Variants in MCC observed in about 807,000 individuals in gnomAD.
MCC encodes the protein MCC regulator of Wnt signaling pathway, also known as colorectal mutant cancer protein.
In MCC, 90 loss-of-function variants were observed where a neutral mutation model predicts 116.2. The observed-to-expected ratio is 0.77, with a 90% confidence interval of 0.65 to 0.92. MCC has a LOEUF of 0.92. Ranked by LOEUF, MCC falls within the 40% of genes least tolerant of loss-of-function variation. The pLI, the probability that MCC is intolerant of heterozygous loss-of-function variation, is 0.00. For synonymous variants in MCC, 578 were observed against 510.5 expected, an observed-to-expected ratio of 1.13 and a Z score of -1.78; for missense variants, 1,516 against 1,312.2, an observed-to-expected ratio of 1.16 and a Z score of -2.40.
chr5:113,104,877 A>G lies in MCC; in HGVS notation c.1028-522T>C, dbSNP rs116351794. Among the ~76,000 whole-genome samples, 730 of 152,334 alleles carry G rather than the reference A, an allele frequency of 4.8e-3. 11 individuals are homozygous for G. Among genetic ancestry groups the G allele is most frequent in the African/African-American group, 0.017 (702 of 41,576 alleles). ...CCAATCAATATGCTCCACTGTTGCA[A>G]TTTAATCCATGTTCTTTCATCAGGG... On this transcript the variant is annotated intron_variant, in intron 6 of 18. Transcript: ENST00000408903.
intron 11 of MCC, among the ~76,000 whole-genome samples, chr5:113,077,473 A>G (rs1284445011): frequency 2.6e-5 from 4 of 152,248 alleles, no homozygotes; most frequent in African/African-American, 9.6e-5. Flanking sequence ...AACACAGTGC[A>G]ATCAAACTAG....
At chr5:113,095,380 C>T (rs904129288) in intron 8 of MCC, among the ~76,000 whole-genome samples, 3 of 152,146 alleles carry the variant, frequency 2.0e-5, no homozygotes, top group Admixed American at 6.5e-5. Flanking sequence ...CCTCTGTTTT[C>T]CCATCTCTAA....
intron 1 of MCC, chr5:113,433,295 C>T (rs1013299612): frequency 2.8e-5 from 7 of 248,934 alleles, no homozygotes; most frequent in Middle Eastern, 1.2e-3. Context: ...CAGCCTGGTC[C>T]CCTGACCCTC....
intron 3 of MCC, among the ~76,000 whole-genome samples, chr5:113,298,618 TC>T (rs970794630): frequency 2.0e-5 from 3 of 152,122 alleles, no homozygotes; most frequent in Admixed American, 2.0e-4. Context: ...GGAGCAAAGT[TC>T]CTAAAAAGGG....
chr5:113,282,398 G>C (rs1012795754), intron 3 of MCC, among the ~76,000 whole-genome samples: 1 of 152,182 alleles, frequency 6.6e-6, no homozygotes, highest in Non-Finnish European at 1.5e-5. Context: ...AATTACATGT[G>C]TGTCCAGACA....
At chr5:113,483,088 A>C (rs2150436771) in intron 1 of MCC, among the ~76,000 whole-genome samples, 1 of 152,312 alleles carries the variant, frequency 6.6e-6, no homozygotes, top group South Asian at 2.1e-4. Context: ...ATGAATATGT[A>C]GGTTTATCCC....
chr5:113,356,995 C>T (rs1768430125), intron 2 of MCC, among the ~76,000 whole-genome samples: 1 of 152,170 alleles, frequency 6.6e-6, no homozygotes, highest in African/African-American at 2.4e-5. Context: ...AGACATTGCT[C>T]ATTTGCATAG....
chr5:113,434,673 A>G lies in MCC; in HGVS notation c.171-49461T>C. The stretch of plus-strand genomic sequence containing the variant: ...CAGAATCTCAATTTCCCGGGGAAGG[A>G]ATTTCTCCAAGAAGTCTGCGGGGGC... On this transcript the variant is annotated intron_variant, in intron 1 of 18. Transcript: ENST00000408903. This position sits in a 1 kb window ranked among gnomAD's most constrained non-coding sequence, Gnocchi z 4.2. The G allele has an allele frequency of 6.2e-7, 1 of 1,613,922 alleles. No homozygotes were observed. The highest frequency in any genetic ancestry group is 8.5e-7 in the Non-Finnish European group (1 of 1,179,884).
At chr5:113,437,132 C>A (rs922724281) in intron 1 of MCC, 2 of 151,632 alleles carry the variant, frequency 1.3e-5, no homozygotes, top group Admixed American at 1.3e-4. Context: ...TGAAAAATAT[C>A]CAATGTTATG....
intron 3 of MCC, among the ~76,000 whole-genome samples, chr5:113,189,418 T>C (rs753854989): frequency 7.2e-5 from 11 of 152,210 alleles, no homozygotes; most frequent in Non-Finnish European, 1.5e-4. Context: ...AAAGCAGAGA[T>C]TGACCATGCT....
At chr5:113,076,072 AACTGTAAC>A (rs1478300319) in intron 11 of MCC, among the ~76,000 whole-genome samples, 1 of 152,158 alleles carries the variant, frequency 6.6e-6, no homozygotes, top group East Asian at 1.9e-4. Flanking sequence ...CATCTTTAAG[AACTGTAAC>A]ACTCACTGCG....
intron 3 of MCC, among the ~76,000 whole-genome samples, chr5:113,327,992 A>G (rs1411235748): frequency 6.6e-6 from 1 of 152,168 alleles, no homozygotes; most frequent in Non-Finnish European, 1.5e-5. Context: ...ACAAATGATT[A>G]TTCTTCTCAA....
At chr5:113,103,737 A>C (rs766957987) in intron 7 of MCC, among the ~76,000 whole-genome samples, 8 of 152,176 alleles carry the variant, frequency 5.3e-5, no homozygotes, top group African/African-American at 1.9e-4. Flanking sequence ...CTTTCCCATC[A>C]TTCACAATGA....
intron 3 of MCC, among the ~76,000 whole-genome samples, chr5:113,308,311 C>G (rs1421928780): frequency 6.6e-6 from 1 of 152,138 alleles, no homozygotes; most frequent in African/African-American, 2.4e-5. Context: ...CTTGATAGCT[C>G]CATTAAAAGG....
chr5:113,140,939 G>A (rs1759141708), intron 5 of MCC, among the ~76,000 whole-genome samples: 1 of 152,186 alleles, frequency 6.6e-6, no homozygotes, highest in African/African-American at 2.4e-5. Context: ...CTGGATTAAG[G>A]AATATCTGAG....
At chr5:113,102,336 C>T (rs887146574) in intron 7 of MCC, among the ~76,000 whole-genome samples, 1 of 152,214 alleles carries the variant, frequency 6.6e-6, no homozygotes, top group Non-Finnish European at 1.5e-5. Context: ...TGAGGACAAA[C>T]ATGAGGTTGT....
Position 113,434,919 on chromosome 5 carries a change from T to A in MCC, c.171-49707A>T. The A allele has an allele frequency of 6.6e-7, 1 of 1,514,260 alleles. No individual in the cohort carries two copies. The highest frequency in any genetic ancestry group is 8.9e-7 in the Non-Finnish European group (1 of 1,126,908). The allele number at this position is 1,514,260 out of a possible 1,614,324, so 93.8% of individuals were successfully genotyped here. ...TGGGCCAGCAGTGTGCTCATTTACA[T>A]CCTGGATAGAGAGTCCTTTGGGCTG... On this transcript the variant is annotated intron_variant, in intron 1 of 18. Coordinates refer to ENST00000408903, the MANE Select transcript of MCC (RefSeq NM_001085377.2). This position sits in a 1 kb window ranked among gnomAD's most constrained non-coding sequence, Gnocchi z 4.2.
chr5:113,364,509 C>CA (rs987003900), intron 2 of MCC, among the ~76,000 whole-genome samples: 1 of 152,324 alleles, frequency 6.6e-6, no homozygotes, highest in African/African-American at 2.4e-5. Context: ...CTACAGGGTG[C>CA]AAACTGCCAG....
At chr5:113,145,766 ACACACACACACACACACAAACACACACAC>A (rs1561399912) in intron 4 of MCC, among the ~76,000 whole-genome samples, 4 of 48,034 alleles carry the variant, frequency 8.3e-5, no homozygotes, top group African/African-American at 3.4e-4. Context: ...ACACACACAC[ACACACACACACACACACAAACACACACAC>A]ACACACACAC....
Sources: allele counts gnomAD v4.1 joint callset (sites outside exome capture counted in the v4.1 genomes callset), GRCh38; gene constraint gnomAD v4.1.1; non-coding constraint Gnocchi (gnomAD v3.1); transcripts MANE v1.5; gene names NCBI Gene and HGNC (gene_info 2026-07-23, HGNC 2026-07-21).